LPP: variants seen among roughly 807,000 people sequenced by gnomAD.
LPP encodes LIM domain containing preferred translocation partner in lipoma, also known as lipoma-preferred partner.
LPP carries 38 observed loss-of-function variants against 60.4 expected under a neutral mutation model. The ratio of observed to expected loss-of-function variants is 0.63; its 90% CI spans 0.49 to 0.83. LPP has a LOEUF of 0.83. Among genes scored for constraint, LPP ranks in the 40% least tolerant of loss-of-function variants. The pLI, the probability that LPP is intolerant of heterozygous loss-of-function variation, is 0.00. For missense variants in LPP, 902 were observed against 783.6 expected, an observed-to-expected ratio of 1.15 and a Z score of -1.80; for synonymous variants, 328 against 290.8, an observed-to-expected ratio of 1.13 and a Z score of -1.30.
At chr3:188,709,160 A>C (rs1320084649) in intron 8 of LPP, 1 of 152,078 alleles carries the variant, frequency 6.6e-6, no homozygotes, top group Non-Finnish European at 1.5e-5. Flanking sequence ...AATCCTTCCA[A>C]TCCATGAATA....
chr3:188,501,012 T>C (rs1287473582), intron 5 of LPP, among the ~76,000 whole-genome samples: 1 of 152,066 alleles, frequency 6.6e-6, no homozygotes, highest in African/African-American at 2.4e-5. Flanking sequence ...ATTTTGTTAG[T>C]ATTCTCTATT....
intron 4 of LPP, among the ~76,000 whole-genome samples, chr3:188,446,227 A>C (rs1343458539): frequency 6.6e-6 from 1 of 152,192 alleles, no homozygotes; most frequent in African/African-American, 2.4e-5. Flanking sequence ...TTAAGTGAGC[A>C]TGAGAGCCCA....
intron 2 of LPP, among the ~76,000 whole-genome samples, chr3:188,261,744 CA>C (rs10565919): frequency 0.62 from 91,048 of 146,482 alleles, 28,999 homozygotes; most frequent in East Asian, 0.89. Flanking sequence ...CCTGTCTCTC[CA>C]AAAAAAAAAA....
intron 5 of LPP, among the ~76,000 whole-genome samples, chr3:188,505,158 A>T (rs1813088141): frequency 6.6e-6 from 1 of 152,182 alleles, no homozygotes; most frequent in Non-Finnish European, 1.5e-5. Flanking sequence ...TGGACTTCCA[A>T]AATAAGTTGT....
chr3:188,548,166 C>T (rs190475736), intron 6 of LPP, among the ~76,000 whole-genome samples: 101 of 152,240 alleles, frequency 6.6e-4, no homozygotes, highest in African/African-American at 2.4e-3. Context: ...ATGGTGAAGG[C>T]GATATGGTGT....
intron 4 of LPP, among the ~76,000 whole-genome samples, chr3:188,414,928 C>T (rs1785798868): frequency 6.6e-6 from 1 of 152,076 alleles, no homozygotes; most frequent in Admixed American, 6.6e-5. Context: ...AACTAATATA[C>T]CCGAACAAAG....
intron 2 of LPP, among the ~76,000 whole-genome samples, chr3:188,233,728 A>G (rs1720896736): frequency 6.6e-6 from 1 of 151,892 alleles, no homozygotes; most frequent in Non-Finnish European, 1.5e-5. Context: ...TTTTCCTTCT[A>G]CTCCTGTTTA....
At chr3:188,161,863 G>A (rs139439255) in intron 1 of LPP, among the ~76,000 whole-genome samples, 1,661 of 152,296 alleles carry the variant, frequency 0.011, 34 homozygotes, top group African/African-American at 0.038. Context: ...CAGTTTGAGT[G>A]TGTGTGGTCT....
At chr3:188,586,768 G>A (rs200325037) in intron 6 of LPP, among the ~76,000 whole-genome samples, 6 of 144,682 alleles carry the variant, frequency 4.1e-5, no homozygotes, top group Non-Finnish European at 6.0e-5. Flanking sequence ...TCGCTCTGTC[G>A]CCAGGCTGGA....
chr3:188,736,373 G>T (rs941705456), intron 8 of LPP, among the ~76,000 whole-genome samples: 1 of 151,890 alleles, frequency 6.6e-6, no homozygotes, highest in Admixed American at 6.6e-5. Flanking sequence ...TCCCAACAGA[G>T]AAAGACAAGG....
intron 9 of LPP, among the ~76,000 whole-genome samples, chr3:188,788,238 T>G (rs1414343748): frequency 6.6e-6 from 1 of 152,220 alleles, no homozygotes; most frequent in Non-Finnish European, 1.5e-5. Context: ...CACACTACCA[T>G]GTAAAGAGCT....
chr3:188,402,138 T>A (rs1406162784), intron 3 of LPP, among the ~76,000 whole-genome samples: 1 of 152,174 alleles, frequency 6.6e-6, no homozygotes, highest in Non-Finnish European at 1.5e-5. Flanking sequence ...TATGCTGAAT[T>A]TGGATAACCT....
chr3:188,493,567 T>A (rs998999969), intron 5 of LPP, among the ~76,000 whole-genome samples: 1 of 152,086 alleles, frequency 6.6e-6, no homozygotes, highest in African/African-American at 2.4e-5. Flanking sequence ...TAGCTGGGAC[T>A]AAAGGTGTGT....
At chr3:188,203,446 T>A (rs1201719408) in intron 1 of LPP, among the ~76,000 whole-genome samples, 41 of 92,796 alleles carry the variant, frequency 4.4e-4, no homozygotes, top group African/African-American at 1.2e-3. Flanking sequence ...TATATTTATA[T>A]AAATATATAT....
chr3:188,859,881 CCTAT>C (rs1021651874), intron 9 of LPP, among the ~76,000 whole-genome samples: 1 of 152,064 alleles, frequency 6.6e-6, no homozygotes, highest in African/African-American at 2.4e-5. Flanking sequence ...CAAAACGTTT[CCTAT>C]CTATCAGGAA....
At chr3:188,452,499 G>T (rs1381556482) in intron 4 of LPP, among the ~76,000 whole-genome samples, 3 of 152,162 alleles carry the variant, frequency 2.0e-5, no homozygotes, top group African/African-American at 4.8e-5. Flanking sequence ...TATTGTTGTT[G>T]TTGAGGGATG....
intron 7 of LPP, among the ~76,000 whole-genome samples, chr3:188,628,630 T>C (rs1847295173): frequency 6.6e-6 from 1 of 151,938 alleles, no homozygotes; most frequent in Non-Finnish European, 1.5e-5. Flanking sequence ...CAGTAAAAGT[T>C]CTGGATAGAC....
At chr3:188,442,000 C>T (rs1402741152) in intron 4 of LPP, among the ~76,000 whole-genome samples, 1 of 152,182 alleles carries the variant, frequency 6.6e-6, no homozygotes, top group African/African-American at 2.4e-5. Context: ...GCTGTACACT[C>T]TACAGGGGCA....
intron 2 of LPP, among the ~76,000 whole-genome samples, chr3:188,282,891 T>C (rs1278306823): frequency 6.6e-6 from 1 of 152,200 alleles, no homozygotes; most frequent in East Asian, 1.9e-4. Context: ...TGAGTTCTGA[T>C]CAGAGGGCAG....
Sources: gnomAD v4.1 joint callset for allele counts (sites outside exome capture counted in the v4.1 genomes callset) on GRCh38, gnomAD v4.1.1 for gene constraint, MANE v1.5 for transcripts, NCBI Gene and HGNC (gene_info 2026-07-23, HGNC 2026-07-21) for gene names.